Variants in LANCL3 observed in about 807,000 individuals in gnomAD.
LANCL3 encodes the protein lanC-like protein 3.
LANCL3 carries 19 observed loss-of-function variants against 26.5 expected under a neutral mutation model. That is an observed-to-expected ratio of 0.72 (90% CI 0.50 to 1.05). The LOEUF (loss-of-function observed/expected upper bound fraction) is 1.05. LANCL3 is among the 50% of genes least tolerant of loss of function. The pLI is 0.00. For synonymous variants in LANCL3, 160 were observed against 166.6 expected (o/e 0.96, Z 0.30); for missense variants, 318 against 362.7 (o/e 0.88, Z 1.00).
intron 1 of LANCL3, among the ~76,000 whole-genome samples, chrX:37,579,949 T>A (rs1342844260): frequency 1.8e-5 from 2 of 111,862 alleles, no homozygotes; most frequent in African/African-American, 6.5e-5. Flanking sequence ...TAATATATGC[T>A]AAACTGACGA....
chrX:37,669,197 T>TTTTA (rs1202962517), intron 4 of LANCL3, among the ~76,000 whole-genome samples: 17 of 111,369 alleles, frequency 1.5e-4, no homozygotes, highest in African/African-American at 5.2e-4. Context: ...TAGCTTATAA[T>TTTTA]TTTATTTATT....
intron 1 of LANCL3, among the ~76,000 whole-genome samples, chrX:37,608,419 G>T (rs1289089695): frequency 9.0e-6 from 1 of 111,557 alleles, no homozygotes; most frequent in Admixed American, 9.5e-5. Context: ...GCAAGGAATA[G>T]TGATGGTGTG....
chrX:37,666,148 A>C (rs1413154045), intron 3 of LANCL3, among the ~76,000 whole-genome samples: 1 of 112,128 alleles, frequency 8.9e-6, no homozygotes, highest in African/African-American at 3.2e-5. Flanking sequence ...ATATAAAAAG[A>C]ATATGTATGA....
At chrX:37,633,573 G>T (rs1925603354) in intron 1 of LANCL3, among the ~76,000 whole-genome samples, 1 of 110,683 alleles carries the variant, frequency 9.0e-6, no homozygotes, top group South Asian at 3.9e-4. Context: ...TCTACTTTTG[G>T]TCTTTGATGA....
At chrX:37,646,963 G>A (rs1177222141) in intron 1 of LANCL3, among the ~76,000 whole-genome samples, 3 of 111,653 alleles carry the variant, frequency 2.7e-5, no homozygotes, top group Non-Finnish European at 3.8e-5. Flanking sequence ...TCCATCCTGA[G>A]TTTATTCGGA....
chrX:37,659,427 ATTGTGTGAATTTTATGCC>A lies in LANCL3; in HGVS notation c.698-30_698-13del. 6 of 1,077,296 alleles carry A rather than the reference ATTGTGTGAATTTTATGCC, an allele frequency of 5.6e-6. No individual in the cohort carries two copies. Among genetic ancestry groups the A allele is most frequent in the Non-Finnish European group, 7.7e-6 (6 of 778,308 alleles). The allele number at this position is 1,077,296 out of a possible 1,213,427, so 88.8% of individuals were successfully genotyped here. ...CTAAATCAAACTAGCTGTCCTCCCAATTGTGTGAATTTTATGCCTTGTTTGTTAATACAGGGGCAGCTC... is the reference window on the plus strand; with the variant it reads ...CTAAATCAAACTAGCTGTCCTCCCAATTGTTTGTTAATACAGGGGCAGCTC... On this transcript the variant is annotated splice_polypyrimidine_tract_variant and intron_variant, in intron 2 of 4. Coordinates refer to ENST00000378619, the MANE Select transcript of LANCL3 (RefSeq NM_001170331.2).
At chrX:37,630,091 A>G (rs1201080940) in intron 1 of LANCL3, among the ~76,000 whole-genome samples, 11 of 111,126 alleles carry the variant, frequency 9.9e-5, no homozygotes, top group African/African-American at 2.3e-4. Flanking sequence ...AGCATGGAAT[A>G]TTCTTCCATT....
At chrX:37,669,969 C>A (rs1926642022) in intron 4 of LANCL3, among the ~76,000 whole-genome samples, 1 of 112,131 alleles carries the variant, frequency 8.9e-6, no homozygotes, top group South Asian at 3.7e-4. Context: ...TTGTATGAAT[C>A]TATCTCATTT....
chrX:37,606,889 A>G (rs1569463960), intron 1 of LANCL3, among the ~76,000 whole-genome samples: 1 of 112,573 alleles, frequency 8.9e-6, no homozygotes, highest in Non-Finnish European at 1.9e-5. Context: ...TTCTCCCTTA[A>G]GAGCCCATTT....
At chrX:37,645,958 G>C (rs904414954) in intron 1 of LANCL3, among the ~76,000 whole-genome samples, 2 of 111,993 alleles carry the variant, frequency 1.8e-5, no homozygotes, top group African/African-American at 6.5e-5. Context: ...CATCCAATAA[G>C]TTAAAAATGC....
chrX:37,633,224 A>G (rs782197349), intron 1 of LANCL3, among the ~76,000 whole-genome samples: 2 of 108,652 alleles, frequency 1.8e-5, no homozygotes, highest in East Asian at 2.9e-4. Context: ...TCCATCACTG[A>G]TACCCTTTCT....
intron 1 of LANCL3, among the ~76,000 whole-genome samples, chrX:37,592,656 T>C (rs1332772036): frequency 9.0e-6 from 1 of 110,803 alleles, no homozygotes; most frequent in Non-Finnish European, 1.9e-5. Flanking sequence ...AGTGCAAAAA[T>C]TAGAATATTA....
intron 1 of LANCL3, among the ~76,000 whole-genome samples, chrX:37,618,074 A>G (rs1287268283): frequency 8.9e-6 from 1 of 111,875 alleles, no homozygotes; most frequent in Non-Finnish European, 1.9e-5. Context: ...ACAATGTCCC[A>G]GAAACTGCTA....
chrX:37,652,790 T>A (rs1016385347), intron 1 of LANCL3, among the ~76,000 whole-genome samples: 1 of 111,647 alleles, frequency 9.0e-6, no homozygotes, highest in African/African-American at 3.3e-5. Context: ...CTCATGCTTG[T>A]GCTCCTGTGT....
chrX:37,632,878 C>A (rs1556424785), intron 1 of LANCL3, among the ~76,000 whole-genome samples: 2 of 109,860 alleles, frequency 1.8e-5, no homozygotes, highest in Non-Finnish European at 1.9e-5. Context: ...TCTCTGGCTG[C>A]CCTTAACATT....
At chrX:37,587,673 G>A (rs1410097814) in intron 1 of LANCL3, among the ~76,000 whole-genome samples, 1 of 112,600 alleles carries the variant, frequency 8.9e-6, no homozygotes, top group East Asian at 2.8e-4. Flanking sequence ...GGAGTGACCC[G>A]GTTTTCCAGG....
rs565505904 is a variant in LANCL3, at chrX:37,581,612, A to G, written c.573+9169A>G. ...GACGTAAAGTAGTGCTTCTCCTCCA[A>G]CTCTAAATCAATTTAAACTTAAAAT... On this transcript the variant is annotated intron_variant, in intron 1 of 4. Coordinates refer to ENST00000378619, the MANE Select transcript of LANCL3 (RefSeq NM_001170331.2). 8.1e-5 allele frequency among the ~76,000 whole-genome samples: 9 copies of G among 110,986 alleles called. No individual in the cohort carries two copies. The South Asian group carries it at 3.4e-3, about 43-fold the overall frequency.
In LANCL3 at chrX:37,605,722, G is replaced by A. The variant is rs782246300; in HGVS notation, c.573+33279G>A. Among the ~76,000 whole-genome samples, 3 of 111,316 alleles carry A rather than the reference G, an allele frequency of 2.7e-5. No individual in the cohort carries two copies. In the South Asian group the frequency reaches 1.2e-3, roughly 43 times the overall value. Reference sequence around the variant, plus strand: ...CTAGAAAGCATCACCTGGCTGACATGCTCACCTCCTTCAGGTATTCAATAC... The same window carrying A: ...CTAGAAAGCATCACCTGGCTGACATACTCACCTCCTTCAGGTATTCAATAC... On this transcript the variant is annotated intron_variant, in intron 1 of 4. Coordinates refer to ENST00000378619, the MANE Select transcript of LANCL3 (RefSeq NM_001170331.2).
chrX:37,671,547 C>A (rs782687435), intron 4 of LANCL3, among the ~76,000 whole-genome samples: 1 of 111,321 alleles, frequency 9.0e-6, no homozygotes, highest in Non-Finnish European at 1.9e-5. Flanking sequence ...CCTCTCTAAT[C>A]TCATTCCCTA....
Sources: gnomAD v4.1 joint callset for allele counts (sites outside exome capture counted in the v4.1 genomes callset) on GRCh38, gnomAD v4.1.1 for gene constraint, MANE v1.5 for transcripts, NCBI Gene and HGNC (gene_info 2026-07-23, HGNC 2026-07-21) for gene names.